The following INPP4B variants were observed in gnomAD, a reference collection of about 807,000 sequenced individuals.
INPP4B encodes the protein inositol polyphosphate 4-phosphatase type II.
Under a neutral mutation model 122.5 loss-of-function variants are expected in INPP4B, and 55 were observed. The ratio of observed to expected loss-of-function variants is 0.45; its 90% CI spans 0.36 to 0.56. The LOEUF (loss-of-function observed/expected upper bound fraction) is 0.56, where lower values mean the gene tolerates loss of function less well. Ranked by LOEUF, INPP4B falls within the 20% of genes least tolerant of loss-of-function variation. The pLI, the probability that INPP4B is intolerant of heterozygous loss-of-function variation, is 0.00. For missense variants in INPP4B, 1,000 were observed against 1,097.7 expected, an observed-to-expected ratio of 0.91 and a Z score of 1.26; for synonymous variants, 403 against 388.7, an observed-to-expected ratio of 1.04 and a Z score of -0.43.
intron 4 of INPP4B, among the ~76,000 whole-genome samples, chr4:142,430,570 T>G (rs2149369008): frequency 6.6e-6 from 1 of 152,148 alleles, no homozygotes; most frequent in Admixed American, 6.6e-5. Flanking sequence ...CCCTAGAATT[T>G]TAAATACAAA....
chr4:142,556,933 T>A (rs967550324), intron 2 of INPP4B, among the ~76,000 whole-genome samples: 3 of 152,174 alleles, frequency 2.0e-5, no homozygotes, highest in African/African-American at 4.8e-5. Flanking sequence ...TGGAAGAGGC[T>A]TTATCTTCTC....
At chr4:142,388,230 C>T (rs958769221) in intron 7 of INPP4B, among the ~76,000 whole-genome samples, 1 of 152,146 alleles carries the variant, frequency 6.6e-6, no homozygotes, top group Non-Finnish European at 1.5e-5. Flanking sequence ...ATTGGCCACT[C>T]GGCATGGCTA....
At chr4:142,574,548 A>C (rs1180123090) in intron 2 of INPP4B, among the ~76,000 whole-genome samples, 2 of 152,056 alleles carry the variant, frequency 1.3e-5, no homozygotes, top group Admixed American at 1.3e-4. Flanking sequence ...TTACAGAGTG[A>C]GTTTCTCCGG....
intron 7 of INPP4B, among the ~76,000 whole-genome samples, chr4:142,368,113 A>C (rs1470892262): frequency 6.6e-6 from 1 of 152,182 alleles, no homozygotes; most frequent in Non-Finnish European, 1.5e-5. Context: ...ATAATTTACA[A>C]ATATAAAATA....
Position 142,541,117 on chromosome 4 carries a change from T to C in INPP4B, c.-190-78391A>G, listed in dbSNP as rs571889992. On this transcript the variant is annotated intron_variant, in intron 2 of 25. Transcript: ENST00000262992. ...TTGATTTTGTCATAACAAGTATCAA[T>C]AACTAATATTGAGATTATCTTAAAC... 5.9e-5 allele frequency among the ~76,000 whole-genome samples: 9 copies of C among 152,322 alleles called. No homozygotes were observed. In the South Asian group the frequency reaches 6.2e-4, roughly 11 times the overall value.
intron 2 of INPP4B, among the ~76,000 whole-genome samples, chr4:142,620,374 G>A (rs1048139283): frequency 6.6e-6 from 1 of 151,954 alleles, no homozygotes; most frequent in African/African-American, 2.4e-5. Context: ...GGAGCTGGAA[G>A]CCATTATCCT....
intron 1 of INPP4B, among the ~76,000 whole-genome samples, chr4:142,727,619 C>T (rs1235593907): frequency 1.3e-5 from 2 of 151,994 alleles, no homozygotes; most frequent in Admixed American, 1.3e-4. Context: ...CATGGCTCAC[C>T]CCTGTAATCC....
At chr4:142,245,862 GTGTATGTATACATATATA>G (rs1561598485) in intron 11 of INPP4B, among the ~76,000 whole-genome samples, 20 of 31,836 alleles carry the variant, frequency 6.3e-4, no homozygotes, top group South Asian at 1.3e-3. Context: ...ATACATATAT[GTGTATGTATACATATATA>G]TGTGTATGTA....
intron 8 of INPP4B, among the ~76,000 whole-genome samples, chr4:142,308,351 C>T (rs935938153): frequency 1.3e-5 from 2 of 152,048 alleles, no homozygotes; most frequent in African/African-American, 2.4e-5. Context: ...GGTACCAATG[C>T]TATCCTTTTT....
intron 1 of INPP4B, among the ~76,000 whole-genome samples, chr4:142,795,808 AT>A (rs1474980224): frequency 6.6e-6 from 1 of 151,980 alleles, no homozygotes; most frequent in Non-Finnish European, 1.5e-5. Context: ...ATACAAATAA[AT>A]CAGATTAATA....
chr4:142,172,246 C>T (rs1825991647), intron 16 of INPP4B, among the ~76,000 whole-genome samples: 2 of 151,986 alleles, frequency 1.3e-5, no homozygotes. Flanking sequence ...TCATCCAGAT[C>T]TGGGTTTGAA....
At chr4:142,824,794 CTTT>C (rs886790661) in intron 1 of INPP4B, among the ~76,000 whole-genome samples, 7 of 140,968 alleles carry the variant, frequency 5.0e-5, no homozygotes, top group Admixed American at 1.4e-4. Flanking sequence ...AAAAAGGATC[CTTT>C]TTTGTTAAAA....
chr4:142,096,252 T>A (rs949408509), intron 23 of INPP4B: 6 of 152,108 alleles, frequency 3.9e-5, no homozygotes, highest in Non-Finnish European at 7.4e-5. Flanking sequence ...GAGAAAATAA[T>A]GAAGAAAATG....
At chr4:142,465,877 C>T (rs573336826) in intron 2 of INPP4B, among the ~76,000 whole-genome samples, 3 of 152,190 alleles carry the variant, frequency 2.0e-5, no homozygotes, top group Non-Finnish European at 4.4e-5. Flanking sequence ...CATCTATGTG[C>T]CTGCTTCTCC....
intron 2 of INPP4B, among the ~76,000 whole-genome samples, chr4:142,594,670 A>G (rs1420081107): frequency 3.9e-5 from 6 of 152,092 alleles, no homozygotes; most frequent in African/African-American, 1.4e-4. Flanking sequence ...AAAGGGGAAC[A>G]TGAGGCCGGG....
intron 2 of INPP4B, among the ~76,000 whole-genome samples, chr4:142,609,932 A>G (rs900730076): frequency 2.0e-5 from 3 of 152,146 alleles, no homozygotes; most frequent in African/African-American, 7.2e-5. Flanking sequence ...TAGATGATGG[A>G]TATGTATAAT....
chr4:142,223,247 C>T (rs1397486755), intron 12 of INPP4B, among the ~76,000 whole-genome samples: 1 of 152,006 alleles, frequency 6.6e-6, no homozygotes, highest in African/African-American at 2.4e-5. Context: ...AAGTGCTAGA[C>T]TCTCTTGATC....
At chr4:142,035,420 A>G (rs780982346) in intron 25 of INPP4B, among the ~76,000 whole-genome samples, 2 of 152,130 alleles carry the variant, frequency 1.3e-5, no homozygotes, top group Non-Finnish European at 2.9e-5. Context: ...ACCTTTTAAA[A>G]TGTATTTCTC....
chr4:142,618,832 A>G (rs1744255817), intron 2 of INPP4B, among the ~76,000 whole-genome samples: 1 of 152,002 alleles, frequency 6.6e-6, no homozygotes, highest in Non-Finnish European at 1.5e-5. Context: ...ACTATATCTA[A>G]TAAGGGATTA....
Sources: allele counts gnomAD v4.1 joint callset (sites outside exome capture counted in the v4.1 genomes callset), GRCh38; gene constraint gnomAD v4.1.1; transcripts MANE v1.5; gene names NCBI Gene and HGNC (gene_info 2026-07-23, HGNC 2026-07-21).